The following RIT2 variants were observed in gnomAD, a reference collection of about 807,000 sequenced individuals.
RIT2 encodes the protein Ras like without CAAX 2.
RIT2 carries 24 observed loss-of-function variants against 23.7 expected under a neutral mutation model. That is an observed-to-expected ratio of 1.01 (90% CI 0.73 to 1.43). RIT2 has a LOEUF of 1.43. Among genes scored for constraint, RIT2 ranks in the 40% most tolerant of loss-of-function variants. RIT2 has a pLI of 0.00. For missense variants in RIT2, 236 were observed against 266.9 expected, an observed-to-expected ratio of 0.88 and a Z score of 0.81; for synonymous variants, 107 against 91.1, an observed-to-expected ratio of 1.17 and a Z score of -0.99.
intron 1 of RIT2, among the ~76,000 whole-genome samples, chr18:43,082,596 T>A (rs1478990238): frequency 6.6e-6 from 1 of 151,892 alleles, no homozygotes; most frequent in Non-Finnish European, 1.5e-5. Context: ...ATAAACATAA[T>A]CCATCACATA....
At chr18:43,095,826 T>C (rs536266796) in intron 1 of RIT2, among the ~76,000 whole-genome samples, 2 of 151,986 alleles carry the variant, frequency 1.3e-5, no homozygotes, top group Admixed American at 1.3e-4. Flanking sequence ...GAAATACTTA[T>C]GTACAGAATA....
intron 3 of RIT2, among the ~76,000 whole-genome samples, chr18:42,945,953 C>G (rs1909718328): frequency 6.6e-6 from 1 of 152,096 alleles, no homozygotes; most frequent in South Asian, 2.1e-4. Flanking sequence ...GGTTGAAGAA[C>G]AAGCACTAAT....
At chr18:42,923,320 T>C in intron 4 of RIT2, 1 of 395,102 alleles carries the variant, frequency 2.5e-6, no homozygotes, top group Non-Finnish European at 4.5e-6. Context: ...TCATTTCTAC[T>C]GTATTCAGTA....
At chr18:43,013,037 C>T (rs1225554482) in intron 2 of RIT2, among the ~76,000 whole-genome samples, 1 of 151,770 alleles carries the variant, frequency 6.6e-6, no homozygotes, top group Non-Finnish European at 1.5e-5. Context: ...CTCAGATGCT[C>T]TTCTCCAAAC....
intron 4 of RIT2, among the ~76,000 whole-genome samples, chr18:42,796,419 G>A (rs1369086187): frequency 6.6e-6 from 1 of 152,146 alleles, no homozygotes; most frequent in Non-Finnish European, 1.5e-5. Context: ...CACCGCGAGG[G>A]TCCGCGGCTT....
At position 43,055,833 on chromosome 18, in the gene RIT2, A is replaced by G. The variant is rs564276164; in HGVS notation, c.104-21966T>C. On this transcript the variant is annotated intron_variant, in intron 1 of 4. Transcript: ENST00000326695. ...ACATAAAACTTCAGAGGTGTACCAC[A>G]GGTCTAGTAGGCAAGGATGTGAATG... 3.9e-5 allele frequency among the ~76,000 whole-genome samples: 6 copies of G among 152,236 alleles called. No homozygotes were observed. In the South Asian group the frequency reaches 1.2e-3, roughly 32 times the overall value.
intron 4 of RIT2, among the ~76,000 whole-genome samples, chr18:42,757,039 C>T (rs983931431): frequency 6.6e-6 from 1 of 152,112 alleles, no homozygotes; most frequent in Non-Finnish European, 1.5e-5. Flanking sequence ...CACCTCAATG[C>T]TTTGCAAGTG....
chr18:43,101,183 C>A (rs1462768861), intron 1 of RIT2, among the ~76,000 whole-genome samples: 1 of 151,832 alleles, frequency 6.6e-6, no homozygotes, highest in Non-Finnish European at 1.5e-5. Context: ...TTTGTTCATA[C>A]GTATGTTAAA....
chr18:42,792,322 C>A (rs1164655319), intron 4 of RIT2, among the ~76,000 whole-genome samples: 3 of 152,138 alleles, frequency 2.0e-5, no homozygotes, highest in Admixed American at 2.0e-4. Flanking sequence ...GACTTAAATG[C>A]TTAATGGCAT....
chr18:42,995,009 A>C (rs1910946887), intron 2 of RIT2, among the ~76,000 whole-genome samples: 1 of 151,968 alleles, frequency 6.6e-6, no homozygotes, highest in African/African-American at 2.4e-5. Flanking sequence ...TCACGACTGC[A>C]TCTCTCTGAT....
At chr18:42,923,459 G>A (rs904590137) in intron 4 of RIT2, 113 bp downstream of exon 4, 4 of 868,150 alleles carry the variant, frequency 4.6e-6, no homozygotes, top group South Asian at 3.3e-5. Flanking sequence ...GAAAAATCAT[G>A]TGCATAATTT....
At chr18:42,865,436 A>T (rs908080225) in intron 4 of RIT2, among the ~76,000 whole-genome samples, 12 of 152,236 alleles carry the variant, frequency 7.9e-5, no homozygotes, top group African/African-American at 2.9e-4. Context: ...ATCTCAAGTA[A>T]ATAGGCACAT....
At chr18:42,789,457 C>G (rs1913993676) in intron 4 of RIT2, among the ~76,000 whole-genome samples, 1 of 152,132 alleles carries the variant, frequency 6.6e-6, no homozygotes. Context: ...TTCTTCTGGT[C>G]CATGAGCATG....
chr18:42,947,959 A>G (rs1357856149), intron 3 of RIT2, among the ~76,000 whole-genome samples: 2 of 152,122 alleles, frequency 1.3e-5, no homozygotes, highest in Admixed American at 1.3e-4. Flanking sequence ...AGTATAATTT[A>G]TACATATTTA....
intron 1 of RIT2, among the ~76,000 whole-genome samples, chr18:43,079,473 C>T (rs1171770256): frequency 6.6e-6 from 1 of 152,102 alleles, no homozygotes; most frequent in Non-Finnish European, 1.5e-5. Flanking sequence ...TATTAAGACA[C>T]AATTAATTTA....
chr18:42,749,829 T>C (rs1469614458), intron 4 of RIT2, among the ~76,000 whole-genome samples: 3 of 151,880 alleles, frequency 2.0e-5, no homozygotes, highest in African/African-American at 7.2e-5. Context: ...ACCTTTCCCA[T>C]AATTAAGTCT....
intron 3 of RIT2, among the ~76,000 whole-genome samples, chr18:42,924,747 T>A (rs1324487553): frequency 6.6e-6 from 1 of 152,058 alleles, no homozygotes; most frequent in Non-Finnish European, 1.5e-5. Context: ...AAAATGGGAC[T>A]TCTTTACCTA....
At chr18:42,784,270 TA>T (rs34931428) in intron 4 of RIT2, among the ~76,000 whole-genome samples, 19,800 of 142,054 alleles carry the variant, frequency 0.14, 1,425 homozygotes, top group East Asian at 0.36. Flanking sequence ...TCCCTTGCGC[TA>T]AAAAAAAAAA....
chr18:42,854,620 TTCTCTG>T (rs897970142), intron 4 of RIT2, among the ~76,000 whole-genome samples: 18 of 152,186 alleles, frequency 1.2e-4, no homozygotes, highest in Admixed American at 4.6e-4. Flanking sequence ...CTCTGCATAT[TTCTCTG>T]TCTATGAGAC....
Sources: allele counts gnomAD v4.1 joint callset (sites outside exome capture counted in the v4.1 genomes callset), GRCh38; gene constraint gnomAD v4.1.1; transcripts MANE v1.5; gene names NCBI Gene and HGNC (gene_info 2026-07-23, HGNC 2026-07-21).